Variants in NTNG1 observed in about 807,000 individuals in gnomAD.
The protein encoded by NTNG1 is netrin G1.
A neutral mutation model predicts 54.0 loss-of-function variants in NTNG1; 16 were observed. The observed-to-expected ratio is 0.30, with a 90% confidence interval of 0.20 to 0.45. The LOEUF is 0.45. NTNG1 is among the 20% of genes least tolerant of loss of function. The pLI is 1.00. For synonymous variants in NTNG1, 255 were observed against 263.1 expected, an observed-to-expected ratio of 0.97 and a Z score of 0.30; for missense variants, 530 against 678.7, an observed-to-expected ratio of 0.78 and a Z score of 2.43.
At chr1:107,452,428 C>T (rs190449551) in intron 7 of NTNG1, among the ~76,000 whole-genome samples, 130 of 152,278 alleles carry the variant, frequency 8.5e-4, no homozygotes, top group African/African-American at 3.1e-3. Context: ...TTCAGTGGCA[C>T]TATGGTATAA....
At chr1:107,318,603 A>G (rs1667470953) in intron 2 of NTNG1, among the ~76,000 whole-genome samples, 1 of 152,048 alleles carries the variant, frequency 6.6e-6, no homozygotes, top group South Asian at 2.1e-4. Context: ...TTATGGCCAC[A>G]GTGTGTGATA....
At chr1:107,371,163 A>G (rs899756697) in intron 3 of NTNG1, among the ~76,000 whole-genome samples, 9 of 152,132 alleles carry the variant, frequency 5.9e-5, no homozygotes, top group African/African-American at 2.2e-4. Flanking sequence ...GAGAGTTGTT[A>G]TCAGAAATGG....
intron 2 of NTNG1, among the ~76,000 whole-genome samples, chr1:107,300,510 G>A (rs1470430451): frequency 6.6e-6 from 1 of 152,096 alleles, no homozygotes; most frequent in East Asian, 1.9e-4. Flanking sequence ...CTTTTAGTTG[G>A]TGACCTCACA....
intron 3 of NTNG1, among the ~76,000 whole-genome samples, chr1:107,364,431 G>A (rs978737536): frequency 9.2e-5 from 14 of 152,084 alleles, no homozygotes. Context: ...CATAATAAAG[G>A]TTTTTTGTTG....
chr1:107,468,520 G>C (rs1420997792), intron 7 of NTNG1, among the ~76,000 whole-genome samples: 2 of 152,208 alleles, frequency 1.3e-5, no homozygotes, highest in African/African-American at 2.4e-5. Context: ...GGGTTGGAAA[G>C]ATTGTCTTTC....
intron 4 of NTNG1, among the ~76,000 whole-genome samples, chr1:107,397,792 T>A (rs1341060287): frequency 6.6e-6 from 1 of 152,044 alleles, no homozygotes. Flanking sequence ...CTTTATTTCT[T>A]CCCCAGATTA....
intron 3 of NTNG1, among the ~76,000 whole-genome samples, chr1:107,389,255 C>T (rs1294243440): frequency 6.6e-6 from 1 of 152,188 alleles, no homozygotes; most frequent in African/African-American, 2.4e-5. Flanking sequence ...GACTGCACAA[C>T]AGGAAGCCTG....
intron 2 of NTNG1, among the ~76,000 whole-genome samples, chr1:107,239,227 T>A (rs1570932749): frequency 6.6e-6 from 1 of 152,114 alleles, no homozygotes; most frequent in East Asian, 1.9e-4. Flanking sequence ...ATGTAAACAA[T>A]TTGAATGGCA....
rs142479863 is a variant in NTNG1, at chr1:107,177,697, A to G, written c.246+28858A>G. ...CTTGCATTTTTCTCCATAACTCTAG[A>G]TATGTCTATACTTTTGTTTGATTTA... On this transcript the variant is annotated intron_variant, in intron 2 of 7. Coordinates refer to ENST00000370068, the MANE Select transcript of NTNG1 (RefSeq NM_001113226.3). 5.1e-3 allele frequency among the ~76,000 whole-genome samples: 771 copies of G among 152,196 alleles called. 4 individuals carry two copies. Among genetic ancestry groups the G allele is most frequent in the African/African-American group, 0.018 (729 of 41,532 alleles).
At chr1:107,226,537 A>C (rs561136392) in intron 2 of NTNG1, among the ~76,000 whole-genome samples, 1 of 152,312 alleles carries the variant, frequency 6.6e-6, no homozygotes, top group South Asian at 2.1e-4. Context: ...GCAGGCATGC[A>C]TATGGGAGTT....
chr1:107,163,457 T>G (rs1655556247), intron 2 of NTNG1, among the ~76,000 whole-genome samples: 1 of 152,168 alleles, frequency 6.6e-6, no homozygotes, highest in Non-Finnish European at 1.5e-5. Flanking sequence ...GTCCTTCTGA[T>G]GCTTATTTTC....
chr1:107,319,295 T>C (rs1570667285), intron 2 of NTNG1, among the ~76,000 whole-genome samples: 1 of 152,198 alleles, frequency 6.6e-6, no homozygotes, highest in Non-Finnish European at 1.5e-5. Context: ...AAAAAGGAAC[T>C]GGGATGGGGA....
chr1:107,395,582 A>G (rs1570859745), intron 4 of NTNG1: 1 of 655,626 alleles, frequency 1.5e-6, no homozygotes, highest in East Asian at 3.0e-5. Context: ...GGAATTTTTT[A>G]TAAGTGGATG....
chr1:107,391,523 C>G (rs1672361030), intron 3 of NTNG1, among the ~76,000 whole-genome samples: 1 of 152,046 alleles, frequency 6.6e-6, no homozygotes, highest in Non-Finnish European at 1.5e-5. Flanking sequence ...AAAGAAATAC[C>G]TAAGACTTGG....
intron 3 of NTNG1, among the ~76,000 whole-genome samples, chr1:107,345,676 C>T (rs1416630900): frequency 9.9e-5 from 15 of 152,150 alleles, no homozygotes; most frequent in Admixed American, 8.5e-4. Flanking sequence ...CTGTATTTTA[C>T]GTGCAGCCTT....
chr1:107,468,227 A>T lies in NTNG1; in HGVS notation c.1391-12384A>T, dbSNP rs74110921. Among the ~76,000 whole-genome samples the T allele has an allele frequency of 5.5e-3, 837 of 152,182 alleles. 10 individuals are homozygous for T. Among genetic ancestry groups the T allele is most frequent in the African/African-American group, 0.02 (811 of 41,500 alleles). On this transcript the variant is annotated intron_variant, in intron 7 of 7. Transcript: ENST00000370068. Reference sequence around the variant, plus strand: ...AGAGGGCTTAGACCATATTTAGAACACTCCTACCAAGTATGTATAGGAAAA... The same window carrying T: ...AGAGGGCTTAGACCATATTTAGAACTCTCCTACCAAGTATGTATAGGAAAA...
intron 2 of NTNG1, among the ~76,000 whole-genome samples, chr1:107,222,296 C>T (rs60665036): frequency 0.029 from 4,374 of 152,132 alleles, 198 homozygotes; most frequent in African/African-American, 0.094. Context: ...ACTATATAAC[C>T]TATTGGCTAA....
chr1:107,277,325 G>A (rs1434467018), intron 2 of NTNG1, among the ~76,000 whole-genome samples: 1 of 152,148 alleles, frequency 6.6e-6, no homozygotes, highest in Non-Finnish European at 1.5e-5. Flanking sequence ...AGATTTCAGA[G>A]CCCACATTTT....
intron 3 of NTNG1, among the ~76,000 whole-genome samples, chr1:107,392,148 T>C (rs1323822238): frequency 2.6e-5 from 4 of 152,090 alleles, no homozygotes; most frequent in African/African-American, 4.8e-5. Context: ...GGGAGAGAGA[T>C]CTGAGATGGA....
Sources: allele counts gnomAD v4.1 joint callset (sites outside exome capture counted in the v4.1 genomes callset), GRCh38; gene constraint gnomAD v4.1.1; transcripts MANE v1.5; gene names NCBI Gene and HGNC (gene_info 2026-07-23, HGNC 2026-07-21).